Variants in HIVEP3 observed in about 807,000 individuals in gnomAD.
HIVEP3 encodes HIVEP zinc finger 3, also known as transcription factor HIVEP3.
In HIVEP3, 49 loss-of-function variants were observed where a neutral mutation model predicts 152.8. The ratio of observed to expected loss-of-function variants is 0.32; its 90% CI spans 0.26 to 0.41. HIVEP3 has a LOEUF of 0.41. HIVEP3 is among the 10% of genes least tolerant of loss of function. HIVEP3 has a pLI of 1.00. For missense variants in HIVEP3, 2,790 were observed against 3,103.3 expected, an observed-to-expected ratio of 0.90 and a Z score of 2.40; for synonymous variants, 1,269 against 1,289.0, an observed-to-expected ratio of 0.98 and a Z score of 0.33.
chr1:41,886,558 C>T (rs1022580570), intron 1 of HIVEP3, among the ~76,000 whole-genome samples: 9 of 151,674 alleles, frequency 5.9e-5, no homozygotes, highest in Non-Finnish European at 1.3e-4. Flanking sequence ...ACTAAAAATA[C>T]AACATTAGTT....
At chr1:41,894,371 C>T (rs2124444617) in intron 1 of HIVEP3, among the ~76,000 whole-genome samples, 2 of 152,288 alleles carry the variant, frequency 1.3e-5, no homozygotes, top group South Asian at 4.1e-4. Flanking sequence ...TACACTCTTC[C>T]ATTAGCTCAC....
intron 1 of HIVEP3, among the ~76,000 whole-genome samples, chr1:41,905,511 T>C (rs1182145981): frequency 6.6e-6 from 1 of 152,202 alleles, no homozygotes; most frequent in Non-Finnish European, 1.5e-5. Context: ...GTATTCCCTA[T>C]AGGCCCAGCA....
Position 41,582,990 on chromosome 1 carries a change from G to C in HIVEP3, c.1808C>G (p.Ser603Cys). The change falls in exon 4 of 9, where the codon TCT (serine) becomes TGT (cysteine). Residue 603 changes from serine to cysteine, a missense_variant. By Grantham distance (112) the Ser-to-Cys change is moderately radical. Transcript: ENST00000372583. This position sits in a 1 kb window ranked among gnomAD's most constrained non-coding sequence, Gnocchi z 4.7. ...TTTGCTGCTTGGGCCAGGCTCCTCA[G>C]AACTGTATTCCCCTCCCAAAGGTAA... ...IELPLGGEYS[S>C]EEPGPSSKDT... is the part of the protein sequence containing the mutation. 3 of 1,614,102 alleles carry C rather than the reference G, an allele frequency of 1.9e-6. No homozygotes were observed. The highest frequency in any genetic ancestry group is 1.7e-6 in the Non-Finnish European group (2 of 1,180,030).
intron 3 of HIVEP3, among the ~76,000 whole-genome samples, chr1:41,627,689 A>G (rs1558127497): frequency 6.6e-6 from 1 of 152,162 alleles, no homozygotes; most frequent in Non-Finnish European, 1.5e-5. Context: ...TGCTCCTGGC[A>G]TGCCAGGCTG....
chr1:41,675,762 T>G (rs1461515733), intron 2 of HIVEP3, among the ~76,000 whole-genome samples: 1 of 152,216 alleles, frequency 6.6e-6, no homozygotes, highest in Non-Finnish European at 1.5e-5. Context: ...GCACCTGGCA[T>G]AGAATATGAT....
intron 1 of HIVEP3, among the ~76,000 whole-genome samples, chr1:41,782,241 G>A (rs1649088579): frequency 3.3e-5 from 5 of 152,232 alleles, no homozygotes; most frequent in Admixed American, 3.3e-4. Flanking sequence ...CTCCACTTAT[G>A]TGAGGTACCT....
chr1:41,969,178 T>C (rs1480454839), intron 1 of HIVEP3, among the ~76,000 whole-genome samples: 1 of 152,126 alleles, frequency 6.6e-6, no homozygotes, highest in Non-Finnish European at 1.5e-5. Flanking sequence ...TAAACTACCA[T>C]TGACATTCTT....
At chr1:41,741,592 C>G (rs1404677226) in intron 1 of HIVEP3, among the ~76,000 whole-genome samples, 1 of 152,228 alleles carries the variant, frequency 6.6e-6, no homozygotes, top group Non-Finnish European at 1.5e-5. Context: ...CTGTGTTACA[C>G]AGAGAGGTAG....
chr1:41,933,546 A>T (rs1033923607), intron 1 of HIVEP3, among the ~76,000 whole-genome samples: 1 of 152,074 alleles, frequency 6.6e-6, no homozygotes, highest in East Asian at 1.9e-4. Context: ...CTTTTAACCT[A>T]TCTGTCTTTA....
At chr1:41,944,243 TATGCTTAACA>T (rs1645062747) in intron 1 of HIVEP3, among the ~76,000 whole-genome samples, 1 of 152,248 alleles carries the variant, frequency 6.6e-6, no homozygotes, top group Non-Finnish European at 1.5e-5. Flanking sequence ...CGCTGAACTG[TATGCTTAACA>T]ATGGTTAAAA....
rs149714653 is a variant in HIVEP3, at chr1:41,853,672, C to T, written c.-801+64741G>A. Among the ~76,000 whole-genome samples, 419 of 152,162 alleles carry T rather than the reference C, an allele frequency of 2.8e-3. 1 individual carries two copies. Among genetic ancestry groups the T allele is most frequent in the African/African-American group, 8.5e-3 (353 of 41,490 alleles). Reference sequence around the variant, plus strand: ...AGCTTAAAAAACAGAAGGATTTCAACGTGTAGAAAGGGAGAGGAAGGGAGT... The same window carrying T: ...AGCTTAAAAAACAGAAGGATTTCAATGTGTAGAAAGGGAGAGGAAGGGAGT... On this transcript the variant is annotated intron_variant, in intron 1 of 8. Coordinates refer to ENST00000372583, the MANE Select transcript of HIVEP3 (RefSeq NM_024503.5).
At chr1:41,587,532 G>T (rs1401580029) in intron 3 of HIVEP3, among the ~76,000 whole-genome samples, 1 of 152,164 alleles carries the variant, frequency 6.6e-6, no homozygotes, top group Non-Finnish European at 1.5e-5. Flanking sequence ...GGACAAAATG[G>T]TTACCCTTAC....
chr1:41,968,538 A>T (rs967532783), intron 1 of HIVEP3, among the ~76,000 whole-genome samples: 2 of 152,222 alleles, frequency 1.3e-5, no homozygotes, highest in African/African-American at 2.4e-5. Flanking sequence ...TCAATAAACT[A>T]GGCATTGAAG....
intron 1 of HIVEP3, among the ~76,000 whole-genome samples, chr1:41,754,778 C>T (rs1469877257): frequency 1.3e-5 from 2 of 151,986 alleles, no homozygotes; most frequent in Non-Finnish European, 2.9e-5. Flanking sequence ...CAAAGGCAAC[C>T]AAAGAAATGC....
intron 1 of HIVEP3, among the ~76,000 whole-genome samples, chr1:41,788,778 T>A (rs917649655): frequency 6.6e-6 from 1 of 152,222 alleles, no homozygotes; most frequent in Non-Finnish European, 1.5e-5. Flanking sequence ...TCCAAATAAG[T>A]GCCCAGGAAC....
At chr1:42,002,653 G>A (rs975855847) in intron 1 of HIVEP3, among the ~76,000 whole-genome samples, 3 of 152,206 alleles carry the variant, frequency 2.0e-5, no homozygotes, top group Non-Finnish European at 4.4e-5. Flanking sequence ...AGTGGGGCCT[G>A]CCATGGCTTA....
intron 1 of HIVEP3, among the ~76,000 whole-genome samples, chr1:41,701,556 T>C (rs1646363284): frequency 6.6e-6 from 1 of 152,178 alleles, no homozygotes; most frequent in African/African-American, 2.4e-5. Context: ...TGCCAGGTGC[T>C]GGGCAAAGCA....
chr1:41,868,281 C>T (rs1644017989), intron 1 of HIVEP3, among the ~76,000 whole-genome samples: 1 of 151,120 alleles, frequency 6.6e-6, no homozygotes, highest in South Asian at 2.1e-4. Context: ...ACTCCAGGGC[C>T]CAGTGTCAGC....
chr1:41,957,019 C>G (rs1176226379), intron 1 of HIVEP3, among the ~76,000 whole-genome samples: 1 of 152,066 alleles, frequency 6.6e-6, no homozygotes, highest in African/African-American at 2.4e-5. Flanking sequence ...TATATGTATG[C>G]ATATATTTGG....
Sources: gnomAD v4.1 joint callset for allele counts (sites outside exome capture counted in the v4.1 genomes callset) on GRCh38, gnomAD v4.1.1 for gene constraint, Gnocchi (gnomAD v3.1) non-coding constraint, MANE v1.5 for transcripts, NCBI Gene and HGNC (gene_info 2026-07-23, HGNC 2026-07-21) for gene names.